Variants in DIS3L2 observed in about 807,000 individuals in gnomAD.
DIS3L2 encodes the protein DIS3 like 3'-5' exoribonuclease 2.
DIS3L2 carries 34 observed loss-of-function variants against 97.5 expected under a neutral mutation model. That is an observed-to-expected ratio of 0.35 (90% CI 0.27 to 0.46). The LOEUF (loss-of-function observed/expected upper bound fraction) is 0.46. Among genes scored for constraint, DIS3L2 ranks in the 20% least tolerant of loss-of-function variants. The probability of loss-of-function intolerance (pLI) is 1.00; values close to 1 mark genes in which losing one functional copy is unlikely to be tolerated. For missense variants in DIS3L2, 1,038 were observed against 1,146.0 expected (o/e 0.91, Z 1.36); for synonymous variants, 435 against 445.2 (o/e 0.98, Z 0.29).
chr2:232,237,263 G>C (rs1692958406), intron 10 of DIS3L2, among the ~76,000 whole-genome samples: 1 of 152,094 alleles, frequency 6.6e-6, no homozygotes, highest in South Asian at 2.1e-4. Flanking sequence ...CCTCATTTAA[G>C]GTACAGTTCT....
chr2:232,107,113 G>A (rs1697378142), intron 6 of DIS3L2, among the ~76,000 whole-genome samples: 1 of 152,150 alleles, frequency 6.6e-6, no homozygotes, highest in African/African-American at 2.4e-5. Flanking sequence ...GCAGTGTTAA[G>A]AGGGAAATTT....
At chr2:232,228,212 C>T (rs146126606) in intron 10 of DIS3L2, among the ~76,000 whole-genome samples, 2,753 of 152,284 alleles carry the variant, frequency 0.018, 79 homozygotes, top group African/African-American at 0.062. Context: ...GTGATCCACC[C>T]GCCTCAGCTT....
At chr2:232,080,143 G>C (rs57871960) in intron 5 of DIS3L2, among the ~76,000 whole-genome samples, 17,188 of 152,144 alleles carry the variant, frequency 0.11, 2,336 homozygotes, top group African/African-American at 0.32. Flanking sequence ...TAAAGGAAAG[G>C]CCACTGGGCT....
chr2:232,108,211 G>A (rs967153115), intron 6 of DIS3L2, among the ~76,000 whole-genome samples: 2 of 152,114 alleles, frequency 1.3e-5, no homozygotes, highest in Non-Finnish European at 2.9e-5. Flanking sequence ...ATGCAAGGCT[G>A]GTTCAACATA....
chr2:232,232,504 A>G (rs1348594135), intron 10 of DIS3L2, among the ~76,000 whole-genome samples: 2 of 152,180 alleles, frequency 1.3e-5, no homozygotes, highest in African/African-American at 4.8e-5. Flanking sequence ...TGAGAGACGT[A>G]TGGAAGGTAG....
At chr2:232,105,567 A>C (rs1697335268) in intron 6 of DIS3L2, among the ~76,000 whole-genome samples, 1 of 152,082 alleles carries the variant, frequency 6.6e-6, no homozygotes. Flanking sequence ...TCTCTTTGAC[A>C]CATCAACAGA....
chr2:232,052,099 C>G (rs1490776024), intron 5 of DIS3L2, among the ~76,000 whole-genome samples: 1 of 151,654 alleles, frequency 6.6e-6, no homozygotes, highest in East Asian at 2.0e-4. Flanking sequence ...TTTTGGCTCA[C>G]TGCAACCTCC....
chr2:232,080,893 T>A (rs1251099096), intron 5 of DIS3L2, among the ~76,000 whole-genome samples: 5 of 111,428 alleles, frequency 4.5e-5, no homozygotes, highest in Non-Finnish European at 7.6e-5. Context: ...AAAGTGCAGC[T>A]CTGTCTCAAA....
chr2:232,184,719 T>G (rs1225425399), intron 9 of DIS3L2, among the ~76,000 whole-genome samples: 1 of 152,124 alleles, frequency 6.6e-6, no homozygotes, highest in African/African-American at 2.4e-5. Context: ...TTCCTAAGAT[T>G]AGTAGTGTTG....
intron 4 of DIS3L2, among the ~76,000 whole-genome samples, chr2:232,025,905 T>C (rs1176795758): frequency 6.6e-6 from 1 of 152,294 alleles, no homozygotes; most frequent in East Asian, 1.9e-4. Flanking sequence ...GGAGCCCTCA[T>C]GTATGAAAGA....
chr2:232,165,755 T>G (rs1176877541), intron 9 of DIS3L2, among the ~76,000 whole-genome samples: 1 of 152,202 alleles, frequency 6.6e-6, no homozygotes, highest in Admixed American at 6.5e-5. Context: ...TTTGAACTCC[T>G]GGCCTCAAGA....
intron 9 of DIS3L2, among the ~76,000 whole-genome samples, chr2:232,182,416 G>A (rs989891269): frequency 1.8e-4 from 27 of 152,178 alleles, no homozygotes; most frequent in Non-Finnish European, 7.4e-5. Flanking sequence ...TGAGTGTTCT[G>A]TAGATATCTG....
chr2:232,181,602 G>T (rs965561992), intron 9 of DIS3L2, among the ~76,000 whole-genome samples: 2 of 151,532 alleles, frequency 1.3e-5, no homozygotes, highest in African/African-American at 4.8e-5. Flanking sequence ...CCAGTTGATC[G>T]CATCGGCCAC....
At chr2:232,278,620 C>T (rs1183991338) in intron 13 of DIS3L2, among the ~76,000 whole-genome samples, 1 of 152,140 alleles carries the variant, frequency 6.6e-6, no homozygotes, top group Non-Finnish European at 1.5e-5. Flanking sequence ...ATTTGAGGGT[C>T]GTCCATGTTG....
chr2:232,138,139 C>T (rs1698410129), intron 8 of DIS3L2, among the ~76,000 whole-genome samples: 1 of 152,172 alleles, frequency 6.6e-6, no homozygotes, highest in Non-Finnish European at 1.5e-5. Context: ...AGGAAATCTT[C>T]ATAGTATGAG....
intron 9 of DIS3L2, among the ~76,000 whole-genome samples, chr2:232,175,690 T>C (rs549411329): frequency 6.6e-6 from 1 of 152,230 alleles, no homozygotes; most frequent in South Asian, 2.1e-4. Flanking sequence ...GTAGTGAGCA[T>C]AGTACCCAAT....
intron 8 of DIS3L2, among the ~76,000 whole-genome samples, chr2:232,143,739 A>G (rs1690136515): frequency 1.3e-5 from 2 of 152,134 alleles, no homozygotes; most frequent in Admixed American, 1.3e-4. Context: ...TTGAAACCTA[A>G]TACTAAAACC....
intron 8 of DIS3L2, among the ~76,000 whole-genome samples, chr2:232,140,549 G>A (rs1698482319): frequency 6.6e-6 from 1 of 152,164 alleles, no homozygotes; most frequent in Non-Finnish European, 1.5e-5. Context: ...CTTGACAATG[G>A]CATACAACAA....
chr2:232,073,069 A>C (rs1215125782), intron 5 of DIS3L2, among the ~76,000 whole-genome samples: 6 of 152,166 alleles, frequency 3.9e-5, no homozygotes, highest in African/African-American at 1.4e-4. Context: ...CCCATAGTTA[A>C]ATTTTATAAT....
Sources: gnomAD v4.1 joint callset for allele counts (sites outside exome capture counted in the v4.1 genomes callset) on GRCh38, gnomAD v4.1.1 for gene constraint, MANE v1.5 for transcripts, NCBI Gene and HGNC (gene_info 2026-07-23, HGNC 2026-07-21) for gene names.